Variants in ADARB1 observed in about 807,000 individuals in gnomAD.
ADARB1 encodes adenosine deaminase RNA specific B1.
A neutral mutation model predicts 52.4 loss-of-function variants in ADARB1; 10 were observed. The observed-to-expected ratio is 0.19, with a 90% CI of 0.12 to 0.32. ADARB1 has a LOEUF of 0.32. Ranked by LOEUF, ADARB1 falls within the 10% of genes least tolerant of loss-of-function variation. The pLI, the probability that ADARB1 is intolerant of heterozygous loss-of-function variation, is 1.00. For missense variants in ADARB1, 643 were observed against 922.3 expected (o/e 0.70, Z 3.92); for synonymous variants, 349 against 371.1 (o/e 0.94, Z 0.68).
Position 45,085,068 on chromosome 21 carries a change from G to A in ADARB1, c.-220+10275G>A, listed in dbSNP as rs533596870. 1.1e-4 allele frequency among the ~76,000 whole-genome samples: 16 copies of A among 152,282 alleles called. No homozygotes were observed. The South Asian group carries it at 3.1e-3, about 30-fold the overall frequency. On this transcript the variant is annotated intron_variant, in intron 1 of 10. Coordinates refer to ENST00000348831, the MANE Select transcript of ADARB1 (RefSeq NM_001112.4). ...CAGTGAGCCTGGGCTGCCGGATGCC[G>A]CTGGTGGGCCCTCTGCCAGCTGCTG... is the stretch of plus-strand genomic sequence containing the variant.
intron 1 of ADARB1, among the ~76,000 whole-genome samples, chr21:45,098,057 C>T (rs1369440113): frequency 6.6e-6 from 1 of 152,222 alleles, no homozygotes; most frequent in Admixed American, 6.5e-5. Context: ...TTTCCCTCAC[C>T]GTCACACCCA....
chr21:45,091,846 G>T (rs901634790), intron 1 of ADARB1, among the ~76,000 whole-genome samples: 3 of 152,228 alleles, frequency 2.0e-5, no homozygotes, highest in African/African-American at 7.2e-5. Flanking sequence ...AAATTTGGAT[G>T]CAGGCCAGTG....
intron 8 of ADARB1, among the ~76,000 whole-genome samples, chr21:45,202,461 G>A (rs937809320): frequency 1.2e-4 from 18 of 152,150 alleles, no homozygotes; most frequent in African/African-American, 4.3e-4. Context: ...AGGTTCTTGA[G>A]GGGGCATGGA....
intron 2 of ADARB1, among the ~76,000 whole-genome samples, chr21:45,151,658 A>G (rs2090297054): frequency 6.6e-6 from 1 of 152,170 alleles, no homozygotes; most frequent in Admixed American, 6.5e-5. Flanking sequence ...GGGCCTGAAC[A>G]GCGTTTTTCT....
intron 1 of ADARB1, among the ~76,000 whole-genome samples, chr21:45,087,438 G>A (rs2086389800): frequency 6.6e-6 from 1 of 152,130 alleles, no homozygotes; most frequent in South Asian, 2.1e-4. Flanking sequence ...GAGAAGAAGG[G>A]GATGCAGGAA....
chr21:45,207,113 T>C (rs965981752), intron 9 of ADARB1, among the ~76,000 whole-genome samples: 3 of 152,304 alleles, frequency 2.0e-5, no homozygotes, highest in African/African-American at 4.8e-5. Context: ...AATGTGCCAC[T>C]GTCCTATGAA....
At chr21:45,152,356 C>T (rs1015589124) in intron 2 of ADARB1, among the ~76,000 whole-genome samples, 4 of 144,898 alleles carry the variant, frequency 2.8e-5, no homozygotes, top group Non-Finnish European at 4.6e-5. Context: ...CTGCGCTGAA[C>T]GGTTAGCTGT....
intron 8 of ADARB1, among the ~76,000 whole-genome samples, chr21:45,191,560 T>C (rs1316841555): frequency 6.6e-6 from 1 of 152,168 alleles, no homozygotes; most frequent in Non-Finnish European, 1.5e-5. Context: ...AATTAATAGA[T>C]TTCCTGATGT....
intron 1 of ADARB1, among the ~76,000 whole-genome samples, chr21:45,102,292 T>A (rs1464506192): frequency 2.0e-5 from 3 of 152,238 alleles, no homozygotes; most frequent in Non-Finnish European, 4.4e-5. Flanking sequence ...ATTTTTGATT[T>A]CTTGGAAGTA....
chr21:45,074,895 C>G (rs2085851738), intron 1 of ADARB1, 102 bp downstream of exon 1: 1 of 149,876 alleles, frequency 6.7e-6, no homozygotes, highest in Non-Finnish European at 1.5e-5. Context: ...GTGGTGGGGC[C>G]GGAGCTGCGG....
chr21:45,171,730 T>C (rs371104600), intron 3 of ADARB1, 46 bp downstream of exon 3: 150 of 1,561,284 alleles, frequency 9.6e-5, no homozygotes, highest in Middle Eastern at 8.5e-4. Context: ...TAATTTTATG[T>C]TAACATTTTG....
chr21:45,112,421 C>T (rs763033230), intron 1 of ADARB1, among the ~76,000 whole-genome samples: 33 of 152,020 alleles, frequency 2.2e-4, no homozygotes, highest in Admixed American at 2.2e-3. Context: ...TTCCCCTATC[C>T]CTGGGGCTCC....
intron 1 of ADARB1, among the ~76,000 whole-genome samples, chr21:45,091,580 G>A (rs2086562590): frequency 1.3e-5 from 2 of 152,346 alleles, no homozygotes; most frequent in South Asian, 4.1e-4. Context: ...CTCAGAGGGA[G>A]AGCAATAGGG....
At chr21:45,173,566 G>T (rs1427203325) in intron 3 of ADARB1, among the ~76,000 whole-genome samples, 1 of 151,640 alleles carries the variant, frequency 6.6e-6, no homozygotes, top group East Asian at 1.9e-4. Context: ...TTATTTCAGA[G>T]GTTATAAATA....
At chr21:45,115,778 A>G (rs575492041) in intron 1 of ADARB1, among the ~76,000 whole-genome samples, 63 of 152,250 alleles carry the variant, frequency 4.1e-4, no homozygotes, top group African/African-American at 1.5e-3. Context: ...CACTTGCTCT[A>G]AAGTTCAAAT....
intron 1 of ADARB1, among the ~76,000 whole-genome samples, chr21:45,096,929 C>T (rs1007039776): frequency 3.9e-5 from 6 of 152,102 alleles, no homozygotes; most frequent in African/African-American, 7.2e-5. Context: ...TTAGTAGAGA[C>T]GGGGTTTCAC....
At chr21:45,181,248 G>C (rs1014040933) in intron 5 of ADARB1, among the ~76,000 whole-genome samples, 2 of 152,212 alleles carry the variant, frequency 1.3e-5, no homozygotes, top group African/African-American at 4.8e-5. Context: ...TGACTTTCTT[G>C]TTCTTTCCCC....
chr21:45,128,079 A>G lies in ADARB1; in HGVS notation c.-219-323A>G, dbSNP rs1156682016. Among the ~76,000 whole-genome samples, 1 of 152,100 alleles carries G rather than the reference A, an allele frequency of 6.6e-6. No individual in the cohort carries two copies. The highest frequency in any genetic ancestry group is 6.5e-5 in the Admixed American group (1 of 15,278). On this transcript the variant is annotated intron_variant, in intron 1 of 10. Coordinates refer to ENST00000348831, the MANE Select transcript of ADARB1 (RefSeq NM_001112.4). This position sits in a 1 kb window ranked among gnomAD's most constrained non-coding sequence, Gnocchi z 4.6. ...TGCATATTGAATTGTAAAAAAGATG[A>G]GTACGTGTGAGATTCTGCCTGAGAC...
At chr21:45,120,110 C>T (rs781021155) in intron 1 of ADARB1, among the ~76,000 whole-genome samples, 9 of 152,202 alleles carry the variant, frequency 5.9e-5, no homozygotes, top group Non-Finnish European at 1.2e-4. Context: ...TAATAATTCA[C>T]TTCGTAGGTT....
Sources: allele counts gnomAD v4.1 joint callset (sites outside exome capture counted in the v4.1 genomes callset), GRCh38; gene constraint gnomAD v4.1.1; non-coding constraint Gnocchi (gnomAD v3.1); transcripts MANE v1.5; gene names NCBI Gene and HGNC (gene_info 2026-07-23, HGNC 2026-07-21).